The following METTL15 variants were observed in gnomAD, a reference collection of about 807,000 sequenced individuals.
The protein encoded by METTL15 is 12S rRNA N(4)-cytidine methyltransferase METTL15.
A neutral mutation model predicts 38.3 loss-of-function variants in METTL15; 34 were observed. The observed-to-expected ratio is 0.89, with a 90% CI of 0.68 to 1.18. The LOEUF (loss-of-function observed/expected upper bound fraction) is 1.18. Among genes scored for constraint, METTL15 ranks in the 50% most tolerant of loss-of-function variants. The pLI is 0.00. For synonymous variants in METTL15, 162 were observed against 170.9 expected (o/e 0.95, Z 0.41); for missense variants, 438 against 498.4 (o/e 0.88, Z 1.15).
chr11:28,366,962 A>G (rs1850192124), intron 5 of METTL15, among the ~76,000 whole-genome samples: 1 of 152,206 alleles, frequency 6.6e-6, no homozygotes, highest in East Asian at 1.9e-4. Flanking sequence ...AATGGATAAT[A>G]AAAGCCATTG....
At chr11:28,278,735 C>T (rs1228854215) in intron 4 of METTL15, among the ~76,000 whole-genome samples, 1 of 152,094 alleles carries the variant, frequency 6.6e-6, no homozygotes, top group East Asian at 1.9e-4. Flanking sequence ...GTGATAATAT[C>T]ATCTTTTGTA....
chr11:28,469,848 T>C (rs1851288500), intron 6 of METTL15, among the ~76,000 whole-genome samples: 1 of 152,130 alleles, frequency 6.6e-6, no homozygotes, highest in South Asian at 2.1e-4. Flanking sequence ...GGATTTTCAA[T>C]TTATATGTAA....
At chr11:28,219,400 G>C (rs1184203795) in intron 4 of METTL15, among the ~76,000 whole-genome samples, 12 of 152,090 alleles carry the variant, frequency 7.9e-5, no homozygotes, top group Non-Finnish European at 1.5e-5. Flanking sequence ...GGGATCGGTG[G>C]TGATATCCCC....
chr11:28,484,782 G>C lies in METTL15; in HGVS notation c.*425-41696G>C, dbSNP rs1054602367. On this transcript the variant is annotated intron_variant and NMD_transcript_variant, in intron 6 of 7. Coordinates refer to the METTL15 transcript ENST00000532947. Reference sequence around the variant, plus strand: ...TTTGAGTAGAGCTGTGGGAGACACAGAAGGTGAGACTTGACTCCAGGACAT... The same window carrying C: ...TTTGAGTAGAGCTGTGGGAGACACACAAGGTGAGACTTGACTCCAGGACAT... 2.0e-5 allele frequency among the ~76,000 whole-genome samples: 3 copies of C among 152,136 alleles called. No homozygotes were observed. The East Asian group carries it at 5.8e-4, about 29-fold the overall frequency.
chr11:28,522,536 A>G (rs779820237), intron 6 of METTL15, among the ~76,000 whole-genome samples: 49 of 152,234 alleles, frequency 3.2e-4, no homozygotes, highest in South Asian at 2.1e-3. Context: ...AAGTCCACCA[A>G]TTTAAATATT....
At chr11:28,307,232 C>A (rs1235512555) in intron 6 of METTL15, among the ~76,000 whole-genome samples, 1 of 151,822 alleles carries the variant, frequency 6.6e-6, no homozygotes, top group Non-Finnish European at 1.5e-5. Flanking sequence ...TTGCTGACTT[C>A]TTACCTCTCC....
rs79169592 is a variant in METTL15 at position 28,523,114 on chromosome 11, A to G, written c.*425-3364A>G. The stretch of plus-strand genomic sequence containing the variant: ...AAATAATTACTTTATTATAATTCTA[A>G]TAAGTGGCATTAAAAAAGGGTACAG... On this transcript the variant is annotated intron_variant and NMD_transcript_variant, in intron 6 of 7. Transcript: ENST00000532947. Among the ~76,000 whole-genome samples, 1,195 of 152,302 alleles carry G rather than the reference A, an allele frequency of 7.8e-3. 22 individuals are homozygous for G. The highest frequency in any genetic ancestry group is 0.027 in the African/African-American group (1,130 of 41,550).
In METTL15 at chr11:28,250,188, G is replaced by A. The variant is rs949570424; in HGVS notation, c.407+38990G>A. 1.5e-4 allele frequency among the ~76,000 whole-genome samples: 23 copies of A among 151,940 alleles called. 1 individual carries two copies. Among genetic ancestry groups the A allele is most frequent in the African/African-American group, 5.6e-4 (23 of 41,396 alleles). The stretch of plus-strand genomic sequence containing the variant: ...TGAATAGTGCTGTGATGAACATAGT[G>A]TACATGTATCTTTATGGTAGAATGA... On this transcript the variant is annotated intron_variant, in intron 4 of 6. Transcript: ENST00000407364.
intron 5 of METTL15, among the ~76,000 whole-genome samples, chr11:28,388,923 C>G (rs1850470786): frequency 6.6e-6 from 1 of 151,900 alleles, no homozygotes. Flanking sequence ...TGAGTGAGAA[C>G]ATGCAGTGTT....
intron 3 of METTL15, among the ~76,000 whole-genome samples, chr11:28,200,329 A>G (rs1455047167): frequency 6.6e-6 from 1 of 152,184 alleles, no homozygotes; most frequent in Non-Finnish European, 1.5e-5. Flanking sequence ...ACCTCAGAGT[A>G]CAGCTTTGAG....
chr11:28,440,787 G>A (rs187663572), intron 6 of METTL15, among the ~76,000 whole-genome samples: 5 of 152,228 alleles, frequency 3.3e-5, no homozygotes, highest in African/African-American at 1.2e-4. Context: ...AACGTTTTCT[G>A]TCTTGATAAT....
At chr11:28,144,846 A>C (rs1319347254) in intron 3 of METTL15, 1 of 153,370 alleles carries the variant, frequency 6.5e-6, no homozygotes, top group African/African-American at 2.4e-5. Flanking sequence ...CACATGATCC[A>C]AGAACACTGA....
intron 5 of METTL15, among the ~76,000 whole-genome samples, chr11:28,383,947 G>T (rs374594202): frequency 1.3e-5 from 2 of 151,940 alleles, no homozygotes; most frequent in South Asian, 2.1e-4. Flanking sequence ...TATTTTTCCT[G>T]ATTCTCTCTC....
chr11:28,284,045 G>A (rs1193186245), intron 4 of METTL15, among the ~76,000 whole-genome samples: 3 of 152,104 alleles, frequency 2.0e-5, no homozygotes, highest in South Asian at 4.2e-4. Context: ...ATGAGATAAT[G>A]AGCAGAGTCT....
chr11:28,222,077 A>G (rs1338925949), intron 4 of METTL15, among the ~76,000 whole-genome samples: 1 of 152,166 alleles, frequency 6.6e-6, no homozygotes, highest in Non-Finnish European at 1.5e-5. Context: ...CTGTCTTCCA[A>G]GCTGTCAGAC....
At chr11:28,224,794 C>T (rs1321398355) in intron 4 of METTL15, among the ~76,000 whole-genome samples, 1 of 151,604 alleles carries the variant, frequency 6.6e-6, no homozygotes, top group African/African-American at 2.4e-5. Flanking sequence ...AGTGTGTTTT[C>T]TATAAAAGGG....
intron 4 of METTL15, among the ~76,000 whole-genome samples, chr11:28,262,945 G>C (rs1383228134): frequency 1.3e-5 from 2 of 152,004 alleles, no homozygotes; most frequent in African/African-American, 4.8e-5. Flanking sequence ...TATAGATCTT[G>C]AGATTTTAAT....
At chr11:28,140,771 A>G (rs79201347) in intron 3 of METTL15, among the ~76,000 whole-genome samples, 1,675 of 152,268 alleles carry the variant, frequency 0.011, 38 homozygotes, top group African/African-American at 0.038. Flanking sequence ...TTTTACATAC[A>G]TGCTGATGGG....
chr11:28,239,808 C>T (rs747706235), intron 4 of METTL15, among the ~76,000 whole-genome samples: 1 of 152,130 alleles, frequency 6.6e-6, no homozygotes, highest in South Asian at 2.1e-4. Context: ...ATCAAATTTA[C>T]AAGTCAACTG....
Sources: gnomAD v4.1 joint callset for allele counts (sites outside exome capture counted in the v4.1 genomes callset) on GRCh38, gnomAD v4.1.1 for gene constraint, MANE v1.5 for transcripts, NCBI Gene and HGNC (gene_info 2026-07-23, HGNC 2026-07-21) for gene names.